PLCG2: variants seen among roughly 807,000 people sequenced by gnomAD.
PLCG2 encodes the protein phospholipase C gamma 2, also known as 1-phosphatidylinositol 4,5-bisphosphate phosphodiesterase gamma-2.
A neutral mutation model predicts 175.6 loss-of-function variants in PLCG2; 69 were observed. That is an observed-to-expected ratio of 0.39 (90% confidence interval 0.32 to 0.48). The LOEUF (loss-of-function observed/expected upper bound fraction) is 0.48, where lower values mean the gene tolerates loss of function less well. Among genes scored for constraint, PLCG2 ranks in the 20% least tolerant of loss-of-function variants. PLCG2 has a pLI of 0.91. For missense variants in PLCG2, 1,798 were observed against 1,650.9 expected (o/e 1.09, Z -1.54); for synonymous variants, 827 against 624.0 (o/e 1.33, Z -4.85).
chr16:81,753,017 G>A (rs2143069705), intron 1 of PLCG2, among the ~76,000 whole-genome samples: 1 of 152,380 alleles, frequency 6.6e-6, no homozygotes, highest in Non-Finnish European at 1.5e-5. Flanking sequence ...CACAGCAAGT[G>A]CTTAATAATG....
intron 19 of PLCG2, among the ~76,000 whole-genome samples, chr16:81,914,177 CT>C (rs1466202829): frequency 5.3e-5 from 8 of 152,352 alleles, no homozygotes; most frequent in African/African-American, 1.9e-4. Context: ...TGCTGTCATC[CT>C]GTGCAAATGA....
upstream of PLCG2, among the ~76,000 whole-genome samples, chr16:81,776,231 C>A (rs1481747433): frequency 1.3e-5 from 2 of 150,930 alleles, no homozygotes; most frequent in African/African-American, 4.9e-5. Flanking sequence ...GCCTCAGCCT[C>A]CTGAGTAGGT....
At chr16:81,934,340 A>T in intron 25 of PLCG2, 89 bp from the exon 26 acceptor site, 1 of 768,464 alleles carries the variant, frequency 1.3e-6, no homozygotes. Flanking sequence ...CAAGAAAGCA[A>T]AGTGGGGATG....
chr16:81,810,333 G>A (rs1165847296), intron 2 of PLCG2, among the ~76,000 whole-genome samples: 1 of 152,164 alleles, frequency 6.6e-6, no homozygotes, highest in Non-Finnish European at 1.5e-5. Context: ...AACACGTAAC[G>A]TGGCCATGAG....
chr16:81,808,806 C>G (rs959049463), intron 2 of PLCG2, among the ~76,000 whole-genome samples: 9 of 152,156 alleles, frequency 5.9e-5, no homozygotes, highest in African/African-American at 1.9e-4. Flanking sequence ...ACTGTGCAAT[C>G]TTGAGCAAGC....
rs376940359 is a variant in PLCG2 at position 81,921,323 on chromosome 16, G to C, written c.2307+54G>C. ...ATTTTGGAGTCACGAGGCTGATGTG[G>C]ATTCCATCTTGTTCCCATGGCAGTT... On this transcript the variant is annotated intron_variant, in intron 21 of 32. Transcript: ENST00000564138. 83 of 1,137,768 alleles carry C rather than the reference G, an allele frequency of 7.3e-5. No individual in the cohort carries two copies. In the African/African-American group the frequency reaches 1.1e-3, roughly 15 times the overall value. 70.5% of individuals were successfully genotyped at this position (1,137,768 alleles called of 1,614,324 possible).
At chr16:81,952,297 G>A (rs1402175841) in intron 31 of PLCG2, among the ~76,000 whole-genome samples, 1 of 152,066 alleles carries the variant, frequency 6.6e-6, no homozygotes, top group African/African-American at 2.4e-5. Context: ...ATGAATAAAT[G>A]TGTGTGTTTA....
chr16:81,766,733 C>T (rs753474367), intron 2 of PLCG2: 1 of 152,228 alleles, frequency 6.6e-6, no homozygotes, highest in African/African-American at 2.4e-5. Flanking sequence ...GCTTCTAGAA[C>T]ATTCCCTGGA....
intron 2 of PLCG2, among the ~76,000 whole-genome samples, chr16:81,787,321 A>C (rs940102199): frequency 6.6e-6 from 1 of 151,746 alleles, no homozygotes; most frequent in Non-Finnish European, 1.5e-5. Context: ...CCCTGGGCTC[A>C]AGTGATCTTC....
At chr16:81,870,411 T>A (rs770706861) in intron 6 of PLCG2, among the ~76,000 whole-genome samples, 1 of 152,188 alleles carries the variant, frequency 6.6e-6, no homozygotes, top group African/African-American at 2.4e-5. Context: ...AAATGACCTA[T>A]ATGTACGTAC....
At chr16:81,883,870 G>T (rs959204842) in intron 9 of PLCG2, among the ~76,000 whole-genome samples, 20 of 152,216 alleles carry the variant, frequency 1.3e-4, no homozygotes, top group African/African-American at 4.8e-4. Flanking sequence ...AGACTCAAGG[G>T]GGGGTTGTGT....
chr16:81,799,293 C>G (rs74604180), intron 2 of PLCG2, among the ~76,000 whole-genome samples: 4,311 of 151,912 alleles, frequency 0.028, 93 homozygotes, highest in Middle Eastern at 0.095. Context: ...ATCTTTTTGT[C>G]CAACAAAACT....
rs571793318 is a variant in PLCG2, at chr16:81,881,051, G to T, written c.692+98G>T. 5.7e-6 allele frequency: 7 copies of T among 1,238,016 alleles called. No individual in the cohort carries two copies. In the African/African-American group the frequency reaches 8.9e-5, roughly 16 times the overall value. The allele number at this position is 1,238,016 out of a possible 1,614,324, so 76.7% of individuals were successfully genotyped here. A position where few individuals can be genotyped will look rare whatever the true frequency, so the allele number is the denominator to read the frequency against. ...GGAGGGGATGCCTGTGTGTGCAGGC[G>T]CTGACCTCCAAAGGGGCAGGGGGCC... On this transcript the variant is annotated intron_variant, in intron 8 of 32. Coordinates refer to ENST00000564138, the MANE Select transcript of PLCG2 (RefSeq NM_002661.5).
At chr16:81,934,756 G>C (rs1000721270) in intron 26 of PLCG2, among the ~76,000 whole-genome samples, 2 of 152,132 alleles carry the variant, frequency 1.3e-5, no homozygotes, top group Admixed American at 1.3e-4. Flanking sequence ...ACCCAAGACT[G>C]AGTAATTTAT....
At chr16:81,946,343 G>T in intron 31 of PLCG2, 80 bp downstream of exon 31, 1 of 983,990 alleles carries the variant, frequency 1.0e-6, no homozygotes, top group South Asian at 1.3e-5. Context: ...AATACAATTG[G>T]CAGATGGACT....
chr16:81,859,804 G>C (rs1473563738), intron 5 of PLCG2, among the ~76,000 whole-genome samples: 2 of 152,082 alleles, frequency 1.3e-5, no homozygotes, highest in Admixed American at 1.3e-4. Context: ...CCAAAGTCCT[G>C]GGATTACAGG....
chr16:81,941,466 A>C (rs762378225), intron 30 of PLCG2, among the ~76,000 whole-genome samples: 4 of 152,198 alleles, frequency 2.6e-5, no homozygotes, highest in Non-Finnish European at 4.4e-5. Flanking sequence ...GACAGAACCA[A>C]ACTATGTCAA....
At chr16:81,796,780 G>A (rs1024940296) in intron 2 of PLCG2, among the ~76,000 whole-genome samples, 5 of 152,208 alleles carry the variant, frequency 3.3e-5, no homozygotes, top group African/African-American at 7.2e-5. Flanking sequence ...CACCAGGGGT[G>A]CTCCCTCAGG....
intron 30 of PLCG2, among the ~76,000 whole-genome samples, chr16:81,941,139 C>T (rs1910923480): frequency 6.6e-6 from 1 of 152,182 alleles, no homozygotes; most frequent in African/African-American, 2.4e-5. Context: ...TCAGACATTC[C>T]CTCAACTTCC....
Sources: allele counts gnomAD v4.1 joint callset (sites outside exome capture counted in the v4.1 genomes callset), GRCh38; gene constraint gnomAD v4.1.1; transcripts MANE v1.5; gene names NCBI Gene and HGNC (gene_info 2026-07-23, HGNC 2026-07-21).